SHROOM3: variants seen among roughly 807,000 people sequenced by gnomAD.
The protein encoded by SHROOM3 is shroom family member 3, also known as protein Shroom3.
SHROOM3 carries 47 observed loss-of-function variants against 138.6 expected under a neutral mutation model. The observed-to-expected ratio is 0.34, with a 90% confidence interval of 0.27 to 0.43. The LOEUF is 0.43. Ranked by LOEUF, SHROOM3 falls within the 20% of genes least tolerant of loss-of-function variation. SHROOM3 has a pLI of 1.00. For synonymous variants in SHROOM3, 1,062 were observed against 1,063.3 expected, an observed-to-expected ratio of 1.00 and a Z score of 0.02; for missense variants, 2,491 against 2,596.5, an observed-to-expected ratio of 0.96 and a Z score of 0.88.
At chr4:76,597,865 A>G (rs1190095393) in intron 2 of SHROOM3, among the ~76,000 whole-genome samples, 1 of 152,184 alleles carries the variant, frequency 6.6e-6, no homozygotes, top group African/African-American at 2.4e-5. Flanking sequence ...AGGCTAAGAC[A>G]GCAAGAGTCA....
At position 76,740,922 on chromosome 4, in the gene SHROOM3, G is replaced by T; in HGVS notation, c.2749G>T (p.Asp917Tyr). Residue 917 changes from aspartate (D) to tyrosine (Y), a missense_variant, in exon 5 of 11, where the codon GAT becomes TAT. Coordinates refer to ENST00000296043, the MANE Select transcript of SHROOM3 (RefSeq NM_020859.4). This position sits in a 1 kb window ranked among gnomAD's most constrained non-coding sequence, Gnocchi z 4.0. The part of the protein sequence containing the change: ...RPGSPESPLL[D>Y]APFSRAYRNS... ...CGGCTCGCCCGAATCGCCCCTGCTG[G>T]ATGCCCCCTTCAGCCGCGCCTACCG... 1 of 1,500,288 alleles carries T rather than the reference G, an allele frequency of 6.7e-7. No homozygotes were observed. The highest frequency in any genetic ancestry group is 2.4e-5 in the East Asian group (1 of 42,002). 92.9% of individuals were successfully genotyped at this position (1,500,288 alleles called of 1,614,324 possible).
intron 1 of SHROOM3, among the ~76,000 whole-genome samples, chr4:76,537,689 G>C (rs1198202734): frequency 6.6e-6 from 1 of 152,038 alleles, no homozygotes; most frequent in Non-Finnish European, 1.5e-5. Flanking sequence ...TAAGATTTTT[G>C]GTGTTTATGA....
At chr4:76,533,381 A>G (rs1381975267) in intron 1 of SHROOM3, among the ~76,000 whole-genome samples, 1 of 152,214 alleles carries the variant, frequency 6.6e-6, no homozygotes, top group East Asian at 1.9e-4. Flanking sequence ...TTAAAAACCT[A>G]AAGGAAGATT....
intron 8 of SHROOM3, 40 bp from the exon 9 acceptor site, chr4:76,759,505 G>A (rs534061687): frequency 2.1e-5 from 34 of 1,613,186 alleles, no homozygotes; most frequent in Middle Eastern, 1.8e-4. Flanking sequence ...AGCCTCTGGC[G>A]TGATCTGTGT....
At chr4:76,520,996 A>T (rs370463219) in intron 1 of SHROOM3, among the ~76,000 whole-genome samples, 1 of 152,346 alleles carries the variant, frequency 6.6e-6, no homozygotes, top group East Asian at 1.9e-4. Context: ...TAACGAGGGA[A>T]TACTATTTCC....
chr4:76,717,578 T>C (rs1241074998), intron 3 of SHROOM3, among the ~76,000 whole-genome samples: 1 of 152,138 alleles, frequency 6.6e-6, no homozygotes, highest in African/African-American at 2.4e-5. Context: ...GGTTTTTTAT[T>C]CAGATATCCT....
In SHROOM3 at chr4:76,778,910, C is replaced by T; in HGVS notation, c.5724C>T (p.Ile1908=). ...GCAGGGAGCGAGTAGTGCTGGGCATCTTGGCCAATTACCTTTCAGAGGAGC... is the reference window on the plus strand; with the variant it reads ...GCAGGGAGCGAGTAGTGCTGGGCATTTTGGCCAATTACCTTTCAGAGGAGC... ...LDRRERVVLG[I]LANYLSEEQL... Residue 1908 remains isoleucine (I), a synonymous_variant, in exon 11 of 11, where the codon ATC becomes ATT. Transcript: ENST00000296043. The T allele has an allele frequency of 1.2e-6, 2 of 1,613,676 alleles. No individual in the cohort carries two copies. Among genetic ancestry groups the T allele is most frequent in the Non-Finnish European group, 1.7e-6 (2 of 1,180,042 alleles).
intron 1 of SHROOM3, among the ~76,000 whole-genome samples, chr4:76,512,567 A>G (rs1345822842): frequency 6.6e-6 from 1 of 152,096 alleles, no homozygotes. Context: ...TTGGGGATCG[A>G]GGGACAAGGA....
In SHROOM3 at chr4:76,493,224, C is replaced by CAAAA. The variant is rs35837765; in HGVS notation, c.168+57025_168+57028dup. Among the ~76,000 whole-genome samples the CAAAA allele has an allele frequency of 3.5e-3, 195 of 56,496 alleles. 2 individuals carry two copies. Among genetic ancestry groups the CAAAA allele is most frequent in the African/African-American group, 8.6e-3 (148 of 17,270 alleles). 37.1% of individuals were successfully genotyped at this position (56,496 alleles called of 152,430 possible). On this transcript the variant is annotated intron_variant, in intron 1 of 10. Transcript: ENST00000296043. ...CAGCAACAGGAGTGAAACTCCATCT[C>CAAAA]AAAAAAAAAAAAAAAAAAAAAAAAT... is the stretch of plus-strand genomic sequence containing the variant.
Position 76,555,775 on chromosome 4 carries a change from A to T in SHROOM3, c.323+12A>T, listed in dbSNP as rs1349146183. ...CTGGTAGTGCGCAGGTAGGTGGCAG[A>T]CCCCCACCCTGTCCCTCCTACCACC... On this transcript the variant is annotated intron_variant, in intron 2 of 10. Transcript: ENST00000296043. 1.2e-6 allele frequency: 2 copies of T among 1,608,290 alleles called. No individual in the cohort carries two copies. The highest frequency in any genetic ancestry group is 1.7e-6 in the Non-Finnish European group (2 of 1,179,234).
At chr4:76,653,116 AAACTT>A (rs1391133696) in intron 2 of SHROOM3, among the ~76,000 whole-genome samples, 2 of 152,162 alleles carry the variant, frequency 1.3e-5, no homozygotes, top group Non-Finnish European at 2.9e-5. Flanking sequence ...ATTGCTCAGT[AAACTT>A]AAAGAAGTAT....
intron 1 of SHROOM3, among the ~76,000 whole-genome samples, chr4:76,481,118 G>T (rs1048740110): frequency 3.9e-5 from 6 of 151,948 alleles, no homozygotes; most frequent in Non-Finnish European, 8.8e-5. Flanking sequence ...CAGAAGACAA[G>T]AAATAACTAA....
chr4:76,756,329 C>A, intron 7 of SHROOM3, 120 bp from the exon 8 acceptor site: 1 of 1,182,010 alleles, frequency 8.5e-7, no homozygotes. Context: ...TGGAAAGCTA[C>A]AGCCCTGATG....
intron 2 of SHROOM3, among the ~76,000 whole-genome samples, chr4:76,596,775 A>G (rs1717840803): frequency 1.3e-5 from 2 of 152,180 alleles, no homozygotes; most frequent in East Asian, 1.9e-4. Flanking sequence ...TGCAACAACA[A>G]TAACAAAATC....
intron 2 of SHROOM3, among the ~76,000 whole-genome samples, chr4:76,564,221 C>G (rs1236938154): frequency 6.6e-6 from 1 of 152,190 alleles, no homozygotes; most frequent in Non-Finnish European, 1.5e-5. Flanking sequence ...AACTGCACTT[C>G]CGTTTGCACC....
chr4:76,770,792 G>A lies in SHROOM3; in HGVS notation c.5516G>A (p.Gly1839Glu). ...TTTGACAAGTATAGGATGTTCATAG[G>A]GGATTTGGACAAGGTGGTCAACCTG... ...NEFDKYRMFIGDLDKVVNLLL... is the reference protein window; with the variant it reads ...NEFDKYRMFIEDLDKVVNLLL... The change falls in exon 10 of 11, where the codon GGG becomes GAG. Residue 1839 changes from glycine (G) to glutamate (E), a missense_variant. Transcript: ENST00000296043. 5 of 1,614,172 alleles carry A rather than the reference G, an allele frequency of 3.1e-6. No individual in the cohort carries two copies. Among genetic ancestry groups the A allele is most frequent in the Non-Finnish European group, 4.2e-6 (5 of 1,180,030 alleles).
intron 1 of SHROOM3, among the ~76,000 whole-genome samples, chr4:76,439,169 A>T (rs369264925): frequency 1.1e-4 from 17 of 152,088 alleles, no homozygotes; most frequent in African/African-American, 4.1e-4. Flanking sequence ...GGCTGCCCAC[A>T]TTCCCTGGCT....
intron 2 of SHROOM3, among the ~76,000 whole-genome samples, chr4:76,599,813 T>C (rs892700016): frequency 1.3e-5 from 2 of 152,140 alleles, no homozygotes; most frequent in African/African-American, 2.4e-5. Flanking sequence ...CACATGCTGG[T>C]CACAAGTGGT....
chr4:76,518,581 G>T (rs567816588), intron 1 of SHROOM3, among the ~76,000 whole-genome samples: 83 of 150,098 alleles, frequency 5.5e-4, no homozygotes, highest in Non-Finnish European at 1.1e-3. Context: ...CTGCTTGCCT[G>T]CCTGCCTGCC....
Sources: allele counts gnomAD v4.1 joint callset (sites outside exome capture counted in the v4.1 genomes callset), GRCh38; gene constraint gnomAD v4.1.1; non-coding constraint Gnocchi (gnomAD v3.1); transcripts MANE v1.5; gene names NCBI Gene and HGNC (gene_info 2026-07-23, HGNC 2026-07-21).